Variants in NOS3 observed in about 807,000 individuals in gnomAD.
NOS3 encodes NOS type III.
NOS3 carries 98 observed loss-of-function variants against 144.9 expected under a neutral mutation model. The observed-to-expected ratio is 0.68, with a 90% CI of 0.57 to 0.80. The LOEUF (loss-of-function observed/expected upper bound fraction) is 0.80, where lower values mean the gene tolerates loss of function less well. NOS3 is among the 30% of genes least tolerant of loss of function. The pLI, the probability that NOS3 is intolerant of heterozygous loss-of-function variation, is 0.00. For synonymous variants in NOS3, 714 were observed against 702.4 expected, an observed-to-expected ratio of 1.02 and a Z score of -0.26; for missense variants, 1,465 against 1,656.4, an observed-to-expected ratio of 0.88 and a Z score of 2.01.
rs200364898 is a variant in NOS3 at position 150,995,245 on chromosome 7, G to C, written c.201G>C (p.Lys67Asn). 2.1e-4 allele frequency: 345 copies of C among 1,611,354 alleles called. No individual in the cohort carries two copies. Among genetic ancestry groups the C allele is most frequent in the Non-Finnish European group, 2.9e-4 (337 of 1,179,000 alleles). ...TAACCCAGCCCCCAGAGGGGCCCAA[G>C]TTCCCTCGTGTGAAGAACTGGGAGG... ...SPLTQPPEGP[K>N]FPRVKNWEVG... Residue 67 changes from lysine to asparagine, a missense_variant, in exon 3 of 27, where the codon AAG becomes AAC. By Grantham distance (94) the Lys-to-Asn change is moderately conservative. Around this residue, in one of 5 missense-constraint regions of NOS3, gnomAD observed 374 missense variants for 377.0 expected, o/e 0.99. Coordinates refer to ENST00000297494, the MANE Select transcript of NOS3 (RefSeq NM_000603.5).
chr7:151,009,386 C>T lies in NOS3; in HGVS notation c.2325-12C>T, dbSNP rs767249476. 6 of 1,319,392 alleles carry T rather than the reference C, an allele frequency of 4.5e-6. No homozygotes were observed. The highest frequency in any genetic ancestry group is 4.5e-5 in the Admixed American group (2 of 44,176). The allele number at this position is 1,319,392 out of a possible 1,614,324, so 81.7% of individuals were successfully genotyped here. On this transcript the variant is annotated splice_polypyrimidine_tract_variant and intron_variant, in intron 19 of 26. Coordinates refer to ENST00000297494, the MANE Select transcript of NOS3 (RefSeq NM_000603.5). Reference sequence around the variant, plus strand: ...TCTGACTCCCCATAAGTGCCCCTCTCCCCACCCCCAGGAGGGCCACCATCC... The same window carrying T: ...TCTGACTCCCCATAAGTGCCCCTCTTCCCACCCCCAGGAGGGCCACCATCC...
rs896957884 is a variant in NOS3, at chr7:151,006,317, A to T, written c.1753-110A>T. On this transcript the variant is annotated intron_variant, in intron 14 of 26. Coordinates refer to ENST00000297494, the MANE Select transcript of NOS3 (RefSeq NM_000603.5). ...CTTTTGAAATTTTCAAAACAAATAA[A>T]AATTAAGTTACAAATCAATAATAAT... The T allele has an allele frequency of 1.2e-5, 10 of 830,586 alleles. No homozygotes were observed. In the African/African-American group the frequency reaches 1.7e-4, roughly 14 times the overall value. 51.5% of individuals were successfully genotyped at this position (830,586 alleles called of 1,614,324 possible).
rs991894618 is a variant in NOS3, at chr7:151,011,117, A to G, written c.2984+131A>G. Reference sequence around the variant, plus strand: ...TGTAACATGTCAAGGGTGTGGTGTCATTAGGTCACTTCAGAACTCTGGCTA... The same window carrying G: ...TGTAACATGTCAAGGGTGTGGTGTCGTTAGGTCACTTCAGAACTCTGGCTA... On this transcript the variant is annotated intron_variant, in intron 23 of 26. Coordinates refer to ENST00000297494, the MANE Select transcript of NOS3 (RefSeq NM_000603.5). The G allele has an allele frequency of 2.1e-5, 14 of 662,054 alleles. No homozygotes were observed. In the African/African-American group the frequency reaches 2.3e-4, roughly 11 times the overall value. The allele number at this position is 662,054 out of a possible 1,614,324, so 41.0% of individuals were successfully genotyped here.
rs761356788 is a variant in NOS3, at chr7:151,002,894, C to T, written c.1752+590C>T. 5 of 199,598 alleles carry T rather than the reference C, an allele frequency of 2.5e-5. No homozygotes were observed. The highest frequency in any genetic ancestry group is 5.2e-5 in the Non-Finnish European group (5 of 95,456). The allele number at this position is 199,598 out of a possible 1,614,324, so 12.4% of individuals were successfully genotyped here. On this transcript the variant is annotated intron_variant, in intron 14 of 26. Coordinates refer to ENST00000297494, the MANE Select transcript of NOS3 (RefSeq NM_000603.5). The surrounding 1 kb of genome is among the most constrained non-coding windows in gnomAD (Gnocchi z 4.1). ...TCCTAGCCTCAAGAGATCCTCCTGC[C>T]GCAGGCTCCTTTTTCAAAAGAAGAA... is the stretch of plus-strand genomic sequence containing the variant.
chr7:150,992,685 C>CTTGT (rs376355136), intron 1 of NOS3, among the ~76,000 whole-genome samples: 3 of 149,976 alleles, frequency 2.0e-5, no homozygotes, highest in African/African-American at 4.9e-5. Context: ...CACAAATCCT[C>CTTGT]TTGTTTGTTT....
chr7:150,995,180 AC>A (rs759884188), intron 2 of NOS3, 22 bp from the exon 3 acceptor site: 12 of 1,370,908 alleles, frequency 8.8e-6, no homozygotes, highest in Non-Finnish European at 1.1e-5. Context: ...CTTCCTGATG[AC>A]CCTATCCCTG....
At chr7:151,006,370 T>G in intron 14 of NOS3, 57 bp from the exon 15 acceptor site, 3 of 1,228,456 alleles carry the variant, frequency 2.4e-6, no homozygotes, top group Non-Finnish European at 3.6e-6. Context: ...GTTTTAAACT[T>G]CTATGTAGTT....
chr7:151,010,390 T>G, intron 21 of NOS3, 103 bp downstream of exon 21: 1 of 1,219,996 alleles, frequency 8.2e-7, no homozygotes, highest in Non-Finnish European at 1.1e-6. Context: ...CTGGACTTTC[T>G]TCTCCTGGCC....
In NOS3 at chr7:151,010,971, C is replaced by T. The variant is rs1480913019; in HGVS notation, c.2969C>T (p.Pro990Leu). The change falls in exon 23 of 27, where the codon CCC (proline) becomes CTC (leucine). Residue 990 changes from proline (P) to leucine (L), a missense_variant. By Grantham distance (98) the Pro-to-Leu change is moderately conservative (BLOSUM62 -3). Coordinates refer to ENST00000297494, the MANE Select transcript of NOS3 (RefSeq NM_000603.5). ...CAGCTCAAGCCCGGAGACCCTGTGC[C>T]CTGCTTCATCCGGGGGTAAGTGAGA... is the stretch of plus-strand genomic sequence containing the variant. ...LSQLKPGDPV[P>L]CFIRGAPSFR... The T allele has an allele frequency of 1.2e-6, 2 of 1,613,362 alleles. No homozygotes were observed. The highest frequency in any genetic ancestry group is 1.7e-6 in the Non-Finnish European group (2 of 1,179,592).
chr7:151,002,034 T>C lies in NOS3; in HGVS notation c.1647+69T>C. 1 of 1,585,140 alleles carries C rather than the reference T, an allele frequency of 6.3e-7. No homozygotes were observed. The highest frequency in any genetic ancestry group is 8.6e-7 in the Non-Finnish European group (1 of 1,159,848). On this transcript the variant is annotated intron_variant, in intron 13 of 26. Coordinates refer to ENST00000297494, the MANE Select transcript of NOS3 (RefSeq NM_000603.5). The surrounding 1 kb of genome is among the most constrained non-coding windows in gnomAD (Gnocchi z 4.1). ...TCTATCAGCATCTTCAGGGGTGCCC[T>C]GGAGGACAGGAAGTGTTACAAGTCA...
At chr7:151,001,516 C>T in intron 11 of NOS3, 28 bp from the exon 12 acceptor site, 2 of 1,611,780 alleles carry the variant, frequency 1.2e-6, no homozygotes, top group South Asian at 1.1e-5. Context: ...TCTTTACCTC[C>T]CCTCCCAACC....
chr7:150,996,619 TTCCCATGACCCCCTCCCTTC>T lies in NOS3; in HGVS notation c.419+68_419+87del, dbSNP rs1802432491. On this transcript the variant is annotated intron_variant, in intron 4 of 26. Transcript: ENST00000297494. ...AGGCCCCAGAAACCCCGTGACGACC[TTCCCATGACCCCCTCCCTTC>T]CCAGATCCTAACACCACGTGGGCCC... 10 of 1,524,982 alleles carry T rather than the reference TTCCCATGACCCCCTCCCTTC, an allele frequency of 6.6e-6. No homozygotes were observed. In the Admixed American group the frequency reaches 1.1e-4, roughly 16 times the overall value. The allele number at this position is 1,524,982 out of a possible 1,614,324, so 94.5% of individuals were successfully genotyped here.
Position 151,008,986 on chromosome 7 carries a change from C to T in NOS3, c.2169C>T (p.Ile723=), listed in dbSNP as rs1464708949. Residue 723 remains isoleucine, a synonymous_variant, in exon 18 of 27, where the codon ATC becomes ATT. Coordinates refer to ENST00000297494, the MANE Select transcript of NOS3 (RefSeq NM_000603.5). ...GEDAKAAARD[I]FSPKRSWKRQ... is the part of the protein sequence containing the mutation. ...ATGCCAAGGCCGCCGCCCGAGACATCTTCAGCCCCAAACGGAGCTGGAAGC... is the reference window on the plus strand; with the variant it reads ...ATGCCAAGGCCGCCGCCCGAGACATTTTCAGCCCCAAACGGAGCTGGAAGC... The T allele has an allele frequency of 6.2e-7, 1 of 1,611,788 alleles. No homozygotes were observed. The highest frequency in any genetic ancestry group is 1.7e-5 in the Admixed American group (1 of 59,782).
In NOS3 at chr7:150,995,223, C is replaced by A; in HGVS notation, c.179C>A (p.Thr60Asn). The change falls in exon 3 of 27, where the codon ACC (threonine) becomes AAC (asparagine). Residue 60 changes from threonine (T) to asparagine (N), a missense_variant. By Grantham distance (65) the Thr-to-Asn change is moderately conservative. Transcript: ENST00000297494. ...PEHSPPSSPL[T>N]QPPEGPKFPR... The stretch of plus-strand genomic sequence containing the variant: ...AACAGCCCCCCGAGCTCCCCGCTAA[C>A]CCAGCCCCCAGAGGGGCCCAAGTTC... 4 of 1,609,904 alleles carry A rather than the reference C, an allele frequency of 2.5e-6. No homozygotes were observed. Among genetic ancestry groups the A allele is most frequent in the Non-Finnish European group, 3.4e-6 (4 of 1,177,732 alleles).
At chr7:151,013,505 CACACTCTGGCCCACCCTTGT>C in intron 25 of NOS3, 126 bp downstream of exon 25, 1 of 1,274,434 alleles carries the variant, frequency 7.8e-7, no homozygotes, top group South Asian at 1.5e-5. Flanking sequence ...GCCACCCCTG[CACACTCTGGCCCACCCTTGT>C]GCCCCGGCCC....
At chr7:151,009,695 T>TCC in intron 20 of NOS3, 110 bp downstream of exon 20, 1 of 906,514 alleles carries the variant, frequency 1.1e-6, no homozygotes, top group Non-Finnish European at 1.6e-6. Context: ...GGCCACCTCC[T>TCC]CCACAGCTCA....
intron 17 of NOS3, among the ~76,000 whole-genome samples, chr7:151,007,494 G>A (rs1451542834): frequency 6.6e-6 from 1 of 152,302 alleles, no homozygotes; most frequent in East Asian, 1.9e-4. Flanking sequence ...AAGTGCAGCC[G>A]AAAGAGAGCA....
At position 151,002,129 on chromosome 7, in the gene NOS3, G is replaced by T; in HGVS notation, c.1648-71G>T. On this transcript the variant is annotated intron_variant, in intron 13 of 26. Coordinates refer to ENST00000297494, the MANE Select transcript of NOS3 (RefSeq NM_000603.5). This position sits in a 1 kb window ranked among gnomAD's most constrained non-coding sequence, Gnocchi z 4.1. ...TGGGGCCTGAATCTTGCACTGCCAG[G>T]GAGGCCAGAGTGAGGAGGGCAGGGC... 1 of 1,402,942 alleles carries T rather than the reference G, an allele frequency of 7.1e-7. No individual in the cohort carries two copies. The allele number at this position is 1,402,942 out of a possible 1,614,324, so 86.9% of individuals were successfully genotyped here. A position where few individuals can be genotyped will look rare whatever the true frequency, so the allele number is the denominator to read the frequency against.
rs752889752 is a variant in NOS3 at position 150,993,827 on chromosome 7, C to T, written c.24C>T (p.Ala8=). 1.0e-5 allele frequency: 16 copies of T among 1,599,732 alleles called. No homozygotes were observed. Among genetic ancestry groups the T allele is most frequent in the Non-Finnish European group, 1.7e-6 (2 of 1,176,302 alleles). MGNLKSV[A]QEPGPPCGLG... is the part of the protein sequence containing the mutation. ...ACATGGGCAACTTGAAGAGCGTGGC[C>T]CAGGAGCCTGGGCCACCCTGCGGCC... is the stretch of plus-strand genomic sequence containing the variant. Residue 8 remains alanine, a synonymous_variant, in exon 2 of 27, where the codon GCC becomes GCT. Coordinates refer to ENST00000297494, the MANE Select transcript of NOS3 (RefSeq NM_000603.5). The surrounding 1 kb of genome is among the most constrained non-coding windows in gnomAD (Gnocchi z 4.0).
Sources: allele counts gnomAD v4.1 joint callset (sites outside exome capture counted in the v4.1 genomes callset), GRCh38; gene constraint gnomAD v4.1.1; regional missense constraint gnomAD v4.1.1; non-coding constraint Gnocchi (gnomAD v3.1); transcripts MANE v1.5; gene names NCBI Gene and HGNC (gene_info 2026-07-23, HGNC 2026-07-21).